RAPGEF5: variants seen among roughly 807,000 people sequenced by gnomAD.
RAPGEF5 encodes the protein M-Ras-regulated GEF.
A neutral mutation model predicts 125.2 loss-of-function variants in RAPGEF5; 65 were observed. The observed-to-expected ratio is 0.52, with a 90% CI of 0.43 to 0.64. RAPGEF5 has a LOEUF of 0.64. Ranked by LOEUF, RAPGEF5 falls within the 30% of genes least tolerant of loss-of-function variation. RAPGEF5 has a pLI of 0.00. For missense variants in RAPGEF5, 958 were observed against 1,048.1 expected (o/e 0.91, Z 1.19); for synonymous variants, 391 against 385.9 (o/e 1.01, Z -0.16).
At chr7:22,343,124 CG>C (rs1177249678) in intron 1 of RAPGEF5, among the ~76,000 whole-genome samples, 1 of 152,112 alleles carries the variant, frequency 6.6e-6, no homozygotes, top group African/African-American at 2.4e-5. Flanking sequence ...CTCACAATCA[CG>C]GAGGAAGGTA....
rs1782553093 is a variant in RAPGEF5 at position 22,120,557 on chromosome 7, TA to T, written c.*1848del. On this transcript the variant is annotated 3_prime_UTR_variant, in exon 26 of 26. Transcript: ENST00000665637. The surrounding 1 kb of genome is among the most constrained non-coding windows in gnomAD (Gnocchi z 4.0). ...TGCTGTAAGCCCATGCTATTGTTAG[TA>T]ACTGCGTGAGGAGGGCTTTGGAGGG... 6.5e-6 allele frequency: 1 copy of T among 152,676 alleles called. No individual in the cohort carries two copies. Among genetic ancestry groups the T allele is most frequent in the African/African-American group, 2.4e-5 (1 of 41,450 alleles). The allele number at this position is 152,676 out of a possible 1,614,324, so 9.5% of individuals were successfully genotyped here.
chr7:22,146,451 T>G (rs1783441955), intron 19 of RAPGEF5, among the ~76,000 whole-genome samples: 1 of 152,234 alleles, frequency 6.6e-6, no homozygotes, highest in African/African-American at 2.4e-5. Flanking sequence ...AATAAATTAC[T>G]TGAAGTCTTA....
chr7:22,282,084 T>C (rs1330559061), intron 6 of RAPGEF5, among the ~76,000 whole-genome samples: 1 of 152,236 alleles, frequency 6.6e-6, no homozygotes, highest in Admixed American at 6.5e-5. Flanking sequence ...CTCTCCTTTA[T>C]ATTCAACATA....
intron 17 of RAPGEF5, among the ~76,000 whole-genome samples, chr7:22,153,864 T>G (rs972065292): frequency 6.6e-6 from 1 of 152,238 alleles, no homozygotes; most frequent in Non-Finnish European, 1.5e-5. Context: ...TCAAGCCGCA[T>G]AGATCAATAG....
chr7:22,266,766 T>C (rs1782292247), intron 7 of RAPGEF5, among the ~76,000 whole-genome samples, 198 bp downstream of exon 7: 1 of 152,186 alleles, frequency 6.6e-6, no homozygotes, highest in Non-Finnish European at 1.5e-5. Flanking sequence ...AGCAGTGACA[T>C]TTTATCTTAA....
Position 22,317,970 on chromosome 7 carries a change from A to G in RAPGEF5, c.282+17T>C. The G allele has an allele frequency of 6.5e-7, 1 of 1,547,810 alleles. No homozygotes were observed. Among genetic ancestry groups the G allele is most frequent in the South Asian group, 1.2e-5 (1 of 82,962 alleles). ...TCACTATTTCAGAAAAGGCAGTAAA[A>G]GAGAAAGGAATCATACCTGGGAAGG... On this transcript the variant is annotated intron_variant, in intron 2 of 25. Transcript: ENST00000665637.
At chr7:22,243,323 C>A (rs1786388747) in intron 7 of RAPGEF5, among the ~76,000 whole-genome samples, 1 of 152,180 alleles carries the variant, frequency 6.6e-6, no homozygotes, top group Non-Finnish European at 1.5e-5. Flanking sequence ...GTGGTGCGAT[C>A]TCAGCTCACT....
chr7:22,142,283 C>G (rs990022057), intron 20 of RAPGEF5, among the ~76,000 whole-genome samples: 2 of 152,196 alleles, frequency 1.3e-5, no homozygotes, highest in Non-Finnish European at 2.9e-5. Context: ...TGCCCATCAC[C>G]CAGGTTCCTA....
chr7:22,274,206 C>G (rs1782505243), intron 6 of RAPGEF5, among the ~76,000 whole-genome samples: 1 of 152,184 alleles, frequency 6.6e-6, no homozygotes, highest in Admixed American at 6.5e-5. Context: ...CATTCACTCA[C>G]ATGACTTCAA....
At chr7:22,224,851 T>A (rs1583495837) in intron 8 of RAPGEF5, among the ~76,000 whole-genome samples, 1 of 145,658 alleles carries the variant, frequency 6.9e-6, no homozygotes, top group East Asian at 2.0e-4. Context: ...TTTTTTTTTT[T>A]AATCAGCTGA....
intron 11 of RAPGEF5, among the ~76,000 whole-genome samples, chr7:22,186,133 A>G (rs1336538541): frequency 6.6e-6 from 1 of 152,176 alleles, no homozygotes; most frequent in Non-Finnish European, 1.5e-5. Flanking sequence ...TAAAGCTGAA[A>G]AAGACTAAGT....
intron 9 of RAPGEF5, among the ~76,000 whole-genome samples, chr7:22,196,319 T>C (rs563953977): frequency 6.6e-6 from 1 of 152,320 alleles, no homozygotes; most frequent in African/African-American, 2.4e-5. Flanking sequence ...AGAAGTACCA[T>C]AGTTGAGGTT....
At chr7:22,296,607 G>A (rs1398706027) in intron 5 of RAPGEF5, among the ~76,000 whole-genome samples, 1 of 152,142 alleles carries the variant, frequency 6.6e-6, no homozygotes, top group African/African-American at 2.4e-5. Context: ...AAGTGGTTAT[G>A]TTATGAGCTC....
intron 1 of RAPGEF5, among the ~76,000 whole-genome samples, chr7:22,343,844 T>A (rs1220837655): frequency 1.3e-5 from 2 of 151,890 alleles, no homozygotes; most frequent in African/African-American, 4.8e-5. Flanking sequence ...AAGATCAAAG[T>A]CCCACATAAA....
chr7:22,250,019 T>C (rs1195249036), intron 7 of RAPGEF5, among the ~76,000 whole-genome samples: 1 of 152,214 alleles, frequency 6.6e-6, no homozygotes, highest in South Asian at 2.1e-4. Context: ...GGGACTTTGA[T>C]GCGGCTATCA....
At chr7:22,302,024 G>A (rs1443942105) in intron 5 of RAPGEF5, among the ~76,000 whole-genome samples, 1 of 152,166 alleles carries the variant, frequency 6.6e-6, no homozygotes, top group Non-Finnish European at 1.5e-5. Flanking sequence ...AAACACGGAA[G>A]CTTAAGATCA....
chr7:22,178,561 T>G (rs1427766152), intron 11 of RAPGEF5, among the ~76,000 whole-genome samples: 1 of 152,206 alleles, frequency 6.6e-6, no homozygotes, highest in Non-Finnish European at 1.5e-5. Context: ...AAACATTTAC[T>G]TACACTTACT....
At chr7:22,179,620 G>A (rs796442049) in intron 11 of RAPGEF5, among the ~76,000 whole-genome samples, 9 of 152,252 alleles carry the variant, frequency 5.9e-5, no homozygotes, top group South Asian at 4.1e-4. Context: ...GAGATAGTAC[G>A]TCTGCACAAG....
chr7:22,157,844 C>A lies in RAPGEF5; in HGVS notation c.1557+11G>T. On this transcript the variant is annotated intron_variant, in intron 15 of 25. Transcript: ENST00000665637. Reference sequence around the variant, plus strand: ...GATCACCTAATTTTAGGTATAGAAGCATCTGCTTACCTTTTTTTGTGGTGA... The same window carrying A: ...GATCACCTAATTTTAGGTATAGAAGAATCTGCTTACCTTTTTTTGTGGTGA... 2 of 1,609,634 alleles carry A rather than the reference C, an allele frequency of 1.2e-6. No individual in the cohort carries two copies. The highest frequency in any genetic ancestry group is 1.7e-6 in the Non-Finnish European group (2 of 1,176,040).
Sources: allele counts gnomAD v4.1 joint callset (sites outside exome capture counted in the v4.1 genomes callset), GRCh38; gene constraint gnomAD v4.1.1; non-coding constraint Gnocchi (gnomAD v3.1); transcripts MANE v1.5; gene names NCBI Gene and HGNC (gene_info 2026-07-23, HGNC 2026-07-21).